SGCZ: variants seen among roughly 807,000 people sequenced by gnomAD.
The protein encoded by SGCZ is zeta-sarcoglycan.
SGCZ carries 40 observed loss-of-function variants against 41.3 expected under a neutral mutation model. That is an observed-to-expected ratio of 0.97 (90% CI 0.75 to 1.26). The LOEUF is 1.26. Among genes scored for constraint, SGCZ ranks in the 50% most tolerant of loss-of-function variants. SGCZ has a pLI of 0.00. For missense variants in SGCZ, 552 were observed against 369.8 expected (o/e 1.49, Z -4.04); for synonymous variants, 206 against 137.5 (o/e 1.50, Z -3.49).
chr8:14,651,984 T>G (rs939970474), intron 1 of SGCZ, among the ~76,000 whole-genome samples: 3 of 152,032 alleles, frequency 2.0e-5, no homozygotes, highest in East Asian at 3.9e-4. Context: ...GGTCTCCTAC[T>G]ACCAGCTGTG....
At chr8:14,772,925 T>C (rs923423315) in intron 1 of SGCZ, among the ~76,000 whole-genome samples, 3 of 152,076 alleles carry the variant, frequency 2.0e-5, no homozygotes, top group Admixed American at 1.3e-4. Flanking sequence ...TGATTTATAG[T>C]CCTTTGGGTA....
chr8:14,530,285 A>G lies in SGCZ; in HGVS notation c.234+24447T>C, dbSNP rs140903055. ...TTGGTCCTCTAGTCAGTCTCAAAAT[A>G]TAAGTGATCTTATATGAAAATTTTT... On this transcript the variant is annotated intron_variant, in intron 2 of 7. Coordinates refer to ENST00000382080, the MANE Select transcript of SGCZ (RefSeq NM_139167.4). 6.3e-3 allele frequency among the ~76,000 whole-genome samples: 960 copies of G among 152,158 alleles called. 4 individuals carry two copies. The highest frequency in any genetic ancestry group is 0.021 in the Middle Eastern group (6 of 292).
rs974975076 is a variant in SGCZ, at chr8:14,086,472, T to G, written c.*3971A>C. Among the ~76,000 whole-genome samples the G allele has an allele frequency of 4.6e-5, 7 of 151,692 alleles. No individual in the cohort carries two copies. The highest frequency in any genetic ancestry group is 1.0e-4 in the Non-Finnish European group (7 of 67,740). ...CATTCGATAGAATATGTAGGAATTTTGAATGGAATAAAACAGTTCAGCAAT... is the reference window on the plus strand; with the variant it reads ...CATTCGATAGAATATGTAGGAATTTGGAATGGAATAAAACAGTTCAGCAAT... On this transcript the variant is annotated 3_prime_UTR_variant, in exon 8 of 8. Transcript: ENST00000382080.
chr8:14,360,615 C>A (rs549000022), intron 2 of SGCZ, among the ~76,000 whole-genome samples: 49 of 150,976 alleles, frequency 3.2e-4, no homozygotes, highest in African/African-American at 1.2e-3. Flanking sequence ...TGTGAGTCAC[C>A]GCGCCTGGCT....
chr8:14,671,931 C>T lies in SGCZ; in HGVS notation c.40-117005G>A, dbSNP rs116118749. Among the ~76,000 whole-genome samples, 324 of 152,126 alleles carry T rather than the reference C, an allele frequency of 2.1e-3. 1 individual carries two copies. The highest frequency in any genetic ancestry group is 6.8e-3 in the Middle Eastern group (2 of 294). On this transcript the variant is annotated intron_variant, in intron 1 of 7. Transcript: ENST00000382080. ...TTATTAATTACTCTAACATATTTTG[C>T]CATTTTGCCTTATTAATATCATAAA...
chr8:14,556,560 A>G (rs1248438395), intron 1 of SGCZ, among the ~76,000 whole-genome samples: 2 of 151,948 alleles, frequency 1.3e-5, no homozygotes, highest in Non-Finnish European at 2.9e-5. Flanking sequence ...TAATGAACCC[A>G]ATTTGTAGCC....
intron 1 of SGCZ, among the ~76,000 whole-genome samples, chr8:14,686,205 G>C (rs536166028): frequency 6.6e-6 from 1 of 152,158 alleles, no homozygotes. Flanking sequence ...TATATGTTTA[G>C]AAGTAATTTG....
rs1801489533 is a variant in SGCZ at position 14,085,159 on chromosome 8, A to G, written c.*5284T>C. 6.6e-6 allele frequency among the ~76,000 whole-genome samples: 1 copy of G among 151,846 alleles called. No individual in the cohort carries two copies. The highest frequency in any genetic ancestry group is 6.6e-5 in the Admixed American group (1 of 15,216). On this transcript the variant is annotated 3_prime_UTR_variant, in exon 8 of 8. Coordinates refer to ENST00000382080, the MANE Select transcript of SGCZ (RefSeq NM_139167.4). Reference sequence around the variant, plus strand: ...TTAAATAGAAAAAGTGATTTTACATAAAGCAAGATAGAGTACAAAAGCACA... The same window carrying G: ...TTAAATAGAAAAAGTGATTTTACATGAAGCAAGATAGAGTACAAAAGCACA...
chr8:14,743,347 T>C (rs1021442736), intron 1 of SGCZ, among the ~76,000 whole-genome samples: 2 of 152,128 alleles, frequency 1.3e-5, no homozygotes, highest in Non-Finnish European at 2.9e-5. Context: ...AATAACCATA[T>C]TGCTTAAGAC....
chr8:14,375,147 T>A (rs145289830), intron 2 of SGCZ, among the ~76,000 whole-genome samples: 1 of 141,748 alleles, frequency 7.1e-6, no homozygotes, highest in Non-Finnish European at 1.5e-5. Context: ...GACAGACAGA[T>A]AGATATTTGG....
chr8:15,145,955 G>A (rs1270157454), intron 1 of SGCZ, among the ~76,000 whole-genome samples: 1 of 152,162 alleles, frequency 6.6e-6, no homozygotes, highest in East Asian at 1.9e-4. Flanking sequence ...AAAAGGCAAA[G>A]AGAATGGGTG....
intron 1 of SGCZ, among the ~76,000 whole-genome samples, chr8:14,915,352 G>A (rs1250489747): frequency 1.3e-5 from 2 of 152,110 alleles, no homozygotes; most frequent in African/African-American, 2.4e-5. Context: ...CACTTAGGGA[G>A]AAAGTAAGGG....
At chr8:15,083,591 T>C (rs59433411) in intron 1 of SGCZ, among the ~76,000 whole-genome samples, 2,073 of 152,208 alleles carry the variant, frequency 0.014, 42 homozygotes, top group African/African-American at 0.047. Context: ...CATTGTCACC[T>C]AGGCTGGAGT....
At chr8:14,368,294 G>A (rs1177726715) in intron 2 of SGCZ, among the ~76,000 whole-genome samples, 1 of 151,840 alleles carries the variant, frequency 6.6e-6, no homozygotes, top group Non-Finnish European at 1.5e-5. Flanking sequence ...TCTTGTCTGG[G>A]CATCATACAG....
intron 1 of SGCZ, among the ~76,000 whole-genome samples, chr8:14,886,720 G>A (rs1015307716): frequency 6.6e-6 from 1 of 152,114 alleles, no homozygotes; most frequent in African/African-American, 2.4e-5. Context: ...CAATGGCTTG[G>A]CTTGTTCTAC....
chr8:14,427,435 G>C (rs1188164599), intron 2 of SGCZ, among the ~76,000 whole-genome samples: 1 of 152,104 alleles, frequency 6.6e-6, no homozygotes, highest in African/African-American at 2.4e-5. Flanking sequence ...GAATACTTTA[G>C]ATCATACCAC....
At chr8:14,236,461 T>G (rs1384563208) in intron 4 of SGCZ, among the ~76,000 whole-genome samples, 2 of 152,222 alleles carry the variant, frequency 1.3e-5, no homozygotes, top group East Asian at 1.9e-4. Context: ...AAAAAAAACC[T>G]ACAAATTAAG....
intron 1 of SGCZ, among the ~76,000 whole-genome samples, chr8:14,728,333 C>A (rs1447905249): frequency 1.5e-5 from 2 of 137,250 alleles, no homozygotes; most frequent in African/African-American, 2.7e-5. Flanking sequence ...TTTAAGCATT[C>A]ATCTCAAAAT....
intron 1 of SGCZ, among the ~76,000 whole-genome samples, chr8:14,603,899 A>G (rs1410388335): frequency 6.6e-6 from 1 of 152,156 alleles, no homozygotes; most frequent in Non-Finnish European, 1.5e-5. Flanking sequence ...TGATGAAATT[A>G]TTTAGTTATG....
Sources: allele counts gnomAD v4.1 joint callset (sites outside exome capture counted in the v4.1 genomes callset), GRCh38; gene constraint gnomAD v4.1.1; transcripts MANE v1.5; gene names NCBI Gene and HGNC (gene_info 2026-07-23, HGNC 2026-07-21).